The following NAA35 variants were observed in gnomAD, a reference collection of about 807,000 sequenced individuals.
NAA35 encodes the protein N-alpha-acetyltransferase 35, NatC auxiliary subunit.
In NAA35, 18 loss-of-function variants were observed where a neutral mutation model predicts 101.7. The observed-to-expected ratio is 0.18, with a 90% confidence interval of 0.12 to 0.26. The LOEUF is 0.26. NAA35 is among the 10% of genes least tolerant of loss of function. NAA35 has a pLI of 1.00. For missense variants in NAA35, 601 were observed against 886.8 expected (o/e 0.68, Z 4.09); for synonymous variants, 267 against 273.1 (o/e 0.98, Z 0.22).
chr9:85,958,416 A>C, intron 3 of NAA35, 56 bp from the exon 4 acceptor site: 1 of 1,056,868 alleles, frequency 9.5e-7, no homozygotes, highest in South Asian at 1.4e-5. Context: ...TTGTGAAAAT[A>C]TGAATAAGCT....
intron 5 of NAA35, 79 bp from the exon 6 acceptor site, chr9:85,961,934 G>A: frequency 8.7e-7 from 1 of 1,148,500 alleles, no homozygotes; most frequent in Non-Finnish European, 1.2e-6. Flanking sequence ...TGGTGCTCTG[G>A]CCTTTGACTC....
At chr9:86,016,116 T>C (rs1215038118) in intron 17 of NAA35, among the ~76,000 whole-genome samples, 1 of 150,352 alleles carries the variant, frequency 6.7e-6, no homozygotes, top group Non-Finnish European at 1.5e-5. Context: ...TTCTGTTTTA[T>C]ATTTCATTTA....
intron 2 of NAA35, among the ~76,000 whole-genome samples, chr9:85,945,228 C>G (rs1270939950): frequency 1.3e-5 from 2 of 152,104 alleles, no homozygotes; most frequent in East Asian, 3.9e-4. Context: ...CCATAATTAG[C>G]TCTTGCACTG....
At chr9:85,967,857 G>C (rs1245310988) in intron 6 of NAA35, among the ~76,000 whole-genome samples, 1 of 151,992 alleles carries the variant, frequency 6.6e-6, no homozygotes, top group Non-Finnish European at 1.5e-5. Context: ...TATTTCTGGA[G>C]TTCCTAGCTG....
intron 6 of NAA35, chr9:85,966,480 G>A: frequency 2.7e-6 from 1 of 369,104 alleles, no homozygotes; most frequent in Non-Finnish European, 4.7e-6. Flanking sequence ...GTTATCGAAT[G>A]TTTATAACAC....
intron 22 of NAA35, among the ~76,000 whole-genome samples, chr9:86,021,446 C>T (rs535107112): frequency 1.1e-4 from 16 of 152,240 alleles, no homozygotes; most frequent in African/African-American, 3.6e-4. Context: ...GCGGAGGCAC[C>T]GTGGGGGCAT....
At chr9:85,960,987 A>G (rs1471582766) in intron 5 of NAA35, among the ~76,000 whole-genome samples, 2 of 152,210 alleles carry the variant, frequency 1.3e-5, no homozygotes, top group Non-Finnish European at 2.9e-5. Flanking sequence ...TAAGTCTGGC[A>G]GGGAGCCAAG....
chr9:85,968,978 C>G (rs756938892), intron 6 of NAA35, among the ~76,000 whole-genome samples: 1 of 152,016 alleles, frequency 6.6e-6, no homozygotes, highest in Non-Finnish European at 1.5e-5. Flanking sequence ...AGTTCTTTTG[C>G]CCTCTATTGT....
At chr9:85,974,596 C>G (rs193003942) in intron 6 of NAA35, among the ~76,000 whole-genome samples, 1 of 152,076 alleles carries the variant, frequency 6.6e-6, no homozygotes, top group South Asian at 2.1e-4. Context: ...TCTTGCAGCA[C>G]GGTCATTTAA....
chr9:85,995,891 C>G (rs1023116994), intron 11 of NAA35, among the ~76,000 whole-genome samples: 3 of 152,090 alleles, frequency 2.0e-5, no homozygotes, highest in Non-Finnish European at 4.4e-5. Flanking sequence ...CATCTCTGTT[C>G]CAAATGCATT....
intron 6 of NAA35, among the ~76,000 whole-genome samples, chr9:85,963,795 G>C (rs1000614461): frequency 1.3e-5 from 2 of 152,142 alleles, no homozygotes; most frequent in East Asian, 3.9e-4. Flanking sequence ...AGGATTCCTT[G>C]AACAACAGTG....
intron 5 of NAA35, among the ~76,000 whole-genome samples, chr9:85,960,593 T>C (rs1829472807): frequency 6.6e-6 from 1 of 152,198 alleles, no homozygotes; most frequent in Non-Finnish European, 1.5e-5. Flanking sequence ...GGGAGGGGCC[T>C]AGCCAGAATC....
chr9:86,015,252 A>G (rs995799638), intron 17 of NAA35, among the ~76,000 whole-genome samples: 13 of 152,196 alleles, frequency 8.5e-5, no homozygotes, highest in Admixed American at 6.5e-5. Context: ...ATTTGTCTAT[A>G]TACATAAGTA....
intron 2 of NAA35, 152 bp downstream of exon 2, chr9:85,942,435 C>A: frequency 9.4e-7 from 1 of 1,069,386 alleles, no homozygotes; most frequent in Non-Finnish European, 1.4e-6. Context: ...CTAATTTTAA[C>A]TTTAAAGCAA....
At chr9:86,021,015 G>A in intron 22 of NAA35, 46 bp downstream of exon 22, 2 of 1,382,126 alleles carry the variant, frequency 1.4e-6, no homozygotes, top group Non-Finnish European at 1.0e-6. Flanking sequence ...TTATTGTGAA[G>A]TTTCATAAGT....
At chr9:85,957,334 T>G (rs948254347) in intron 3 of NAA35, among the ~76,000 whole-genome samples, 14 of 152,348 alleles carry the variant, frequency 9.2e-5, no homozygotes, top group East Asian at 5.8e-4. Flanking sequence ...GTCATATTCA[T>G]GTTGAGTAGG....
At chr9:85,955,328 A>G (rs1262255754) in intron 2 of NAA35, among the ~76,000 whole-genome samples, 1 of 77,552 alleles carries the variant, frequency 1.3e-5, no homozygotes, top group Non-Finnish European at 2.2e-5. Context: ...ATCTATATAC[A>G]TATATATATA....
intron 2 of NAA35, among the ~76,000 whole-genome samples, chr9:85,946,954 C>G (rs1326953584): frequency 1.3e-5 from 2 of 152,152 alleles, no homozygotes; most frequent in Non-Finnish European, 2.9e-5. Context: ...TCTTGTTGCT[C>G]TTCCTTTCTT....
chr9:86,008,063 A>G (rs1831727042), intron 14 of NAA35, among the ~76,000 whole-genome samples: 1 of 152,046 alleles, frequency 6.6e-6, no homozygotes, highest in Admixed American at 6.6e-5. Context: ...GATTTCTGAT[A>G]TTTTTGGATT....
Sources: allele counts gnomAD v4.1 joint callset (sites outside exome capture counted in the v4.1 genomes callset), GRCh38; gene constraint gnomAD v4.1.1; transcripts MANE v1.5; gene names NCBI Gene and HGNC (gene_info 2026-07-23, HGNC 2026-07-21).